The following ZBTB21 variants were observed in gnomAD, a reference collection of about 807,000 sequenced individuals.
The protein encoded by ZBTB21 is zinc finger and BTB domain-containing protein 21.
ZBTB21 carries 10 observed loss-of-function variants against 39.8 expected under a neutral mutation model. That is an observed-to-expected ratio of 0.25 (90% confidence interval 0.16 to 0.43). The LOEUF is 0.43. ZBTB21 is among the 20% of genes least tolerant of loss of function. The probability of loss-of-function intolerance (pLI) is 1.00; values close to 1 mark genes in which losing one functional copy is unlikely to be tolerated. For synonymous variants in ZBTB21, 551 were observed against 498.8 expected (o/e 1.10, Z -1.40); for missense variants, 1,221 against 1,296.3 (o/e 0.94, Z 0.89).
intron 1 of ZBTB21, among the ~76,000 whole-genome samples, chr21:42,006,899 C>A (rs890506104): frequency 6.6e-6 from 1 of 152,158 alleles, no homozygotes; most frequent in Non-Finnish European, 1.5e-5. Flanking sequence ...CATCTATAAG[C>A]CAAAGAGAAG....
chr21:41,993,647 A>C lies in ZBTB21; in HGVS notation c.449T>G (p.Ile150Ser). 6.2e-7 allele frequency: 1 copy of C among 1,614,232 alleles called. No homozygotes were observed. Among genetic ancestry groups the C allele is most frequent in the African/African-American group, 1.3e-5 (1 of 75,058 alleles). ...CGCTTCGTTTCTACTTTGACAAACA[A>C]TGACACTTCTCTTTTGAGAACTGTT... ...DENSSQKRSV[I>S]VCQSRNEAQG... The change falls in exon 3 of 3, where the codon ATT becomes AGT. Residue 150 changes from isoleucine to serine, a missense_variant. Coordinates refer to ENST00000310826, the MANE Select transcript of ZBTB21 (RefSeq NM_001098402.2).
At chr21:42,006,350 G>A (rs1401920507) in intron 1 of ZBTB21, among the ~76,000 whole-genome samples, 6 of 151,770 alleles carry the variant, frequency 4.0e-5, no homozygotes, top group Non-Finnish European at 7.4e-5. Flanking sequence ...GGGAGGTGAA[G>A]GATGCAGTGA....
rs774872553 is a variant in ZBTB21, at chr21:41,991,196, G to A, written c.2900C>T (p.Ser967Leu). The change falls in exon 3 of 3, where the codon TCG (serine) becomes TTG (leucine). Residue 967 changes from serine (S) to leucine (L), a missense_variant. This residue lies in a region of ZBTB21 where 523 missense variants were observed against 542.5 expected (regional missense o/e 0.96). Coordinates refer to ENST00000310826, the MANE Select transcript of ZBTB21 (RefSeq NM_001098402.2). This position sits in a 1 kb window ranked among gnomAD's most constrained non-coding sequence, Gnocchi z 4.9. ...GCACACCTCAGATTCCTTATGTGCC[G>A]ATTCCTCTGAAGCCTGAGACATGTG... ...QSHMSQASEE[S>L]AHKESEVCPV... 28 of 1,614,016 alleles carry A rather than the reference G, an allele frequency of 1.7e-5. No individual in the cohort carries two copies. Among genetic ancestry groups the A allele is most frequent in the East Asian group, 1.3e-4 (6 of 44,898 alleles).
chr21:41,990,862 G>C lies in ZBTB21; in HGVS notation c.*33C>G. On this transcript the variant is annotated 3_prime_UTR_variant, in exon 3 of 3. Coordinates refer to ENST00000310826, the MANE Select transcript of ZBTB21 (RefSeq NM_001098402.2). ...TTCACAATTCAGGTTGAAATCTGGG[G>C]ACTGCCTCCCATAGGTAAAAAGTGT... 1 of 1,406,722 alleles carries C rather than the reference G, an allele frequency of 7.1e-7. No individual in the cohort carries two copies. Among genetic ancestry groups the C allele is most frequent in the East Asian group, 2.6e-5 (1 of 39,200 alleles). The allele number at this position is 1,406,722 out of a possible 1,614,324, so 87.1% of individuals were successfully genotyped here. A position where few individuals can be genotyped will look rare whatever the true frequency, so the allele number is the denominator to read the frequency against.
At chr21:42,007,943 A>G (rs2065900283) in intron 1 of ZBTB21, 1 of 151,756 alleles carries the variant, frequency 6.6e-6, no homozygotes. Context: ...CTCTGTTTAG[A>G]CTCTTGAGGC....
intron 1 of ZBTB21, among the ~76,000 whole-genome samples, chr21:42,008,387 G>C (rs995042420): frequency 6.8e-6 from 1 of 147,550 alleles, no homozygotes. Context: ...GCGATGTGGC[G>C]GAAGCCTGTA....
Position 41,987,821 on chromosome 21 carries a change from G to C in ZBTB21, c.*3074C>G. 1 of 152,114 alleles carries C rather than the reference G, an allele frequency of 6.6e-6. No homozygotes were observed. Among genetic ancestry groups the C allele is most frequent in the East Asian group, 1.9e-4 (1 of 5,198 alleles). The allele number at this position is 152,114 out of a possible 1,614,324, so 9.4% of individuals were successfully genotyped here. On this transcript the variant is annotated 3_prime_UTR_variant, in exon 3 of 3. Coordinates refer to ENST00000310826, the MANE Select transcript of ZBTB21 (RefSeq NM_001098402.2). ...CCTGATCAGAGAGTTGGCCTTGTAG[G>C]TGCATCCACACCGCACCTCCGTGAA...
chr21:42,004,004 C>CTT (rs35909811), intron 1 of ZBTB21, among the ~76,000 whole-genome samples: 5 of 135,036 alleles, frequency 3.7e-5, no homozygotes, highest in Non-Finnish European at 7.9e-5. Context: ...TATCTCACAT[C>CTT]TTTTTTTTTT....
At position 41,992,877 on chromosome 21, in the gene ZBTB21, G is replaced by C; in HGVS notation, c.1219C>G (p.Leu407Val). 1.2e-6 allele frequency: 2 copies of C among 1,614,212 alleles called. No homozygotes were observed. The highest frequency in any genetic ancestry group is 1.7e-6 in the Non-Finnish European group (2 of 1,180,048). The change falls in exon 3 of 3, where the codon CTC (leucine) becomes GTC (valine). Residue 407 changes from leucine to valine, a missense_variant. Coordinates refer to ENST00000310826, the MANE Select transcript of ZBTB21 (RefSeq NM_001098402.2). The surrounding 1 kb of genome is among the most constrained non-coding windows in gnomAD (Gnocchi z 4.1). ...GACTGAGAAGCACTAAAGGACCTGA[G>C]GCGATGCGGTTGTAGCACTTGAGGC... ...DRPQVLQPHR[L>V]RSFSASQSTD...
chr21:42,009,508 T>TCGCCGGC (rs1454408782), intron 1 of ZBTB21: 1 of 152,280 alleles, frequency 6.6e-6, no homozygotes, highest in Admixed American at 6.5e-5. Flanking sequence ...GGGGAGACGG[T>TCGCCGGC]CGCCGGCCGA....
chr21:41,990,733 C>T lies in ZBTB21; in HGVS notation c.*162G>A. ...AAAGCTGTATTTCTAAAGTTAAGGA[C>T]ATTACTAAGTAATTATCAATTTGCC... is the stretch of plus-strand genomic sequence containing the variant. On this transcript the variant is annotated 3_prime_UTR_variant, in exon 3 of 3. Transcript: ENST00000310826. 1 of 619,258 alleles carries T rather than the reference C, an allele frequency of 1.6e-6. No individual in the cohort carries two copies. Among genetic ancestry groups the T allele is most frequent in the Non-Finnish European group, 2.5e-6 (1 of 398,738 alleles). 38.4% of individuals were successfully genotyped at this position (619,258 alleles called of 1,614,324 possible).
At chr21:42,006,937 C>T (rs2065886081) in intron 1 of ZBTB21, among the ~76,000 whole-genome samples, 1 of 152,202 alleles carries the variant, frequency 6.6e-6, no homozygotes. Context: ...CCTGCTGACA[C>T]CTTGTTCTTG....
At chr21:41,994,691 G>A (rs2065722388) in intron 2 of ZBTB21, among the ~76,000 whole-genome samples, 1 of 152,134 alleles carries the variant, frequency 6.6e-6, no homozygotes, top group African/African-American at 2.4e-5. Context: ...AATCTCCTGG[G>A]CTCAAGCAAT....
At position 41,993,101 on chromosome 21, in the gene ZBTB21, C is replaced by T. The variant is rs1383981304; in HGVS notation, c.995G>A (p.Ser332Asn). 27 of 1,614,120 alleles carry T rather than the reference C, an allele frequency of 1.7e-5. No homozygotes were observed. The highest frequency in any genetic ancestry group is 2.3e-5 in the Non-Finnish European group (27 of 1,180,052). Residue 332 changes from serine to asparagine, a missense_variant, in exon 3 of 3, where the codon AGT (serine) becomes AAT (asparagine). Transcript: ENST00000310826. The stretch of plus-strand genomic sequence containing the variant: ...GAGGAGACTCTTAACAAGTGGGCCA[C>T]TCCTGTCAATGCTTTGGTTTCCAGA... The part of the protein sequence containing the change: ...SGSGNQSIDR[S>N]GPLVKSLLRR...
At position 42,010,237 on chromosome 21, in the gene ZBTB21, G is replaced by A. The variant is rs2065945561; in HGVS notation, c.-79+15C>T. ...CCGCAGTTCTCCTAGAGCTAGGGGC[G>A]TGACAGTTACTCACCGGTCTTCAGT... On this transcript the variant is annotated intron_variant, in intron 1 of 2. Coordinates refer to ENST00000310826, the MANE Select transcript of ZBTB21 (RefSeq NM_001098402.2). 1 of 397,844 alleles carries A rather than the reference G, an allele frequency of 2.5e-6. No homozygotes were observed. Among genetic ancestry groups the A allele is most frequent in the East Asian group, 3.6e-5 (1 of 28,030 alleles). The allele number at this position is 397,844 out of a possible 1,614,324, so 24.6% of individuals were successfully genotyped here. A position where few individuals can be genotyped will look rare whatever the true frequency, so the allele number is the denominator to read the frequency against.
chr21:41,992,403 C>T lies in ZBTB21; in HGVS notation c.1693G>A (p.Val565Ile). 6.2e-7 allele frequency: 1 copy of T among 1,614,176 alleles called. No homozygotes were observed. ...FRSTAGLHRHVNMYHNPEKPY... is the reference protein window; with the variant it reads ...FRSTAGLHRHINMYHNPEKPY... ...TTTTCTGGGTTATGGTACATGTTAA[C>T]ATGACGGTGAAGACCTGCTGTTGAT... The change falls in exon 3 of 3, where the codon GTT (valine) becomes ATT (isoleucine). Residue 565 changes from valine (V) to isoleucine (I), a missense_variant. Coordinates refer to ENST00000310826, the MANE Select transcript of ZBTB21 (RefSeq NM_001098402.2). The surrounding 1 kb of genome is among the most constrained non-coding windows in gnomAD (Gnocchi z 4.1).
rs149797502 is a variant in ZBTB21 at position 41,993,669 on chromosome 21, T to A, written c.427A>T (p.Ser143Cys). 6.2e-7 allele frequency: 1 copy of A among 1,614,100 alleles called. No individual in the cohort carries two copies. Among genetic ancestry groups the A allele is most frequent in the African/African-American group, 1.3e-5 (1 of 74,942 alleles). Residue 143 changes from serine to cysteine, a missense_variant, in exon 3 of 3, where the codon AGT (serine) becomes TGT (cysteine). By Grantham distance (112) the Ser-to-Cys change is moderately radical. This residue lies in a region of ZBTB21 where 500 missense variants were observed against 465.6 expected (regional missense o/e 1.07). Transcript: ENST00000310826. ...ACAATGACACTTCTCTTTTGAGAACTGTTTTCATCATCTTCTACAAACACT... is the reference window on the plus strand; with the variant it reads ...ACAATGACACTTCTCTTTTGAGAACAGTTTTCATCATCTTCTACAAACACT... ...KKVFVEDDEN[S>C]SQKRSVIVCQ...
chr21:42,006,530 C>A (rs1291212945), intron 1 of ZBTB21, among the ~76,000 whole-genome samples: 4 of 152,086 alleles, frequency 2.6e-5, no homozygotes, highest in Admixed American at 1.3e-4. Context: ...GCACATCTGA[C>A]TTCTCCCACT....
chr21:41,998,131 C>T (rs1454704143), intron 2 of ZBTB21, among the ~76,000 whole-genome samples: 3 of 152,096 alleles, frequency 2.0e-5, no homozygotes, highest in African/African-American at 7.2e-5. Flanking sequence ...GAGACAATGC[C>T]TGACTCTGTG....
Sources: gnomAD v4.1 joint callset for allele counts (sites outside exome capture counted in the v4.1 genomes callset) on GRCh38, gnomAD v4.1.1 for gene constraint, gnomAD v4.1.1 regional missense constraint, Gnocchi (gnomAD v3.1) non-coding constraint, MANE v1.5 for transcripts, NCBI Gene and HGNC (gene_info 2026-07-23, HGNC 2026-07-21) for gene names.